The following PRH1 variants were observed in gnomAD, a reference collection of about 807,000 sequenced individuals.
PRH1 encodes the protein salivary acidic proline-rich phosphoprotein 1/2.
A neutral mutation model predicts 7.9 loss-of-function variants in PRH1; 7 were observed. That is an observed-to-expected ratio of 0.89 (90% CI 0.50 to 1.67). PRH1 has a LOEUF of 1.67. PRH1 is among the 40% of genes most tolerant of loss of function. PRH1 has a pLI of 0.00. For missense variants in PRH1, 109 were observed against 223.6 expected (o/e 0.49, Z 3.27); for synonymous variants, 45 against 80.8 (o/e 0.56, Z 2.38).
chr12:10,897,592 G>A lies in PRH1; in HGVS notation c.-58-13317C>T, dbSNP rs544025408. 5.9e-5 allele frequency among the ~76,000 whole-genome samples: 9 copies of A among 152,338 alleles called. No homozygotes were observed. In the South Asian group the frequency reaches 1.9e-3, roughly 32 times the overall value. The stretch of plus-strand genomic sequence containing the variant: ...TAATTGGCTCATGGCTTCACAGGCT[G>A]TACAGGAAGCATGGCGGCATCTGTT... On this transcript the variant is annotated intron_variant, in intron 2 of 3. Coordinates refer to the PRH1 transcript ENST00000539853.
At chr12:11,167,251 C>A (rs1210585754) in intron 1 of PRH1, among the ~76,000 whole-genome samples, 1 of 152,122 alleles carries the variant, frequency 6.6e-6, no homozygotes, top group Non-Finnish European at 1.5e-5. Context: ...AGGGGAAAAG[C>A]TGGCAATTAC....
At chr12:10,986,589 G>A (rs1939643305) in intron 1 of PRH1, 2 of 1,614,024 alleles carry the variant, frequency 1.2e-6, no homozygotes, top group Non-Finnish European at 1.7e-6. Flanking sequence ...GAAATGGTTG[G>A]TTACAACCCA....
intron 1 of PRH1, among the ~76,000 whole-genome samples, chr12:11,016,490 TTTG>T (rs1010761920): frequency 7.9e-5 from 12 of 152,252 alleles, no homozygotes; most frequent in African/African-American, 2.6e-4. Context: ...AAACTAATTT[TTTG>T]TTGTTGTTTT....
chr12:10,981,467 G>A (rs1000483055), intron 1 of PRH1, among the ~76,000 whole-genome samples: 4 of 147,330 alleles, frequency 2.7e-5, no homozygotes, highest in African/African-American at 7.6e-5. Flanking sequence ...TCTGCCTCCC[G>A]GGTTCAAGTG....
chr12:11,088,195 G>C (rs1301526671), intron 1 of PRH1, among the ~76,000 whole-genome samples: 1 of 129,478 alleles, frequency 7.7e-6, no homozygotes, highest in Non-Finnish European at 1.7e-5. Flanking sequence ...ACAAAAATTA[G>C]CCAGGCGTGA....
chr12:11,009,654 T>C (rs1940982168), intron 1 of PRH1, among the ~76,000 whole-genome samples: 1 of 151,926 alleles, frequency 6.6e-6, no homozygotes, highest in Non-Finnish European at 1.5e-5. Flanking sequence ...AATAAAAGCT[T>C]GGTCTAGCCA....
At chr12:10,967,334 A>G (rs938778840) in intron 2 of PRH1, among the ~76,000 whole-genome samples, 4 of 152,184 alleles carry the variant, frequency 2.6e-5, no homozygotes, top group African/African-American at 7.2e-5. Flanking sequence ...CTAATAAATA[A>G]TTTTCAAATA....
intron 2 of PRH1, chr12:10,929,182 C>G: frequency 1.3e-6 from 2 of 1,575,864 alleles, no homozygotes; most frequent in South Asian, 2.3e-5. Context: ...GTAGGGAGCT[C>G]AAATGCGCCA....
At chr12:10,897,411 T>C (rs949979087) in intron 2 of PRH1, among the ~76,000 whole-genome samples, 1 of 152,154 alleles carries the variant, frequency 6.6e-6, no homozygotes, top group African/African-American at 2.4e-5. Flanking sequence ...CAGTTGTTCA[T>C]AACTTTCTGG....
intron 1 of PRH1, among the ~76,000 whole-genome samples, chr12:10,992,536 G>T (rs1939987496): frequency 6.6e-6 from 1 of 152,098 alleles, no homozygotes; most frequent in Admixed American, 6.5e-5. Flanking sequence ...CCCCCTGCCA[G>T]AACTTCCTGG....
At chr12:11,101,187 T>G (rs1334459507) in intron 1 of PRH1, among the ~76,000 whole-genome samples, 1 of 152,162 alleles carries the variant, frequency 6.6e-6, no homozygotes, top group African/African-American at 2.4e-5. Context: ...TTTGTGTGAA[T>G]TAATTTAAGT....
chr12:11,021,161 C>T (rs1941603882), intron 1 of PRH1, among the ~76,000 whole-genome samples: 1 of 105,684 alleles, frequency 9.5e-6, no homozygotes, highest in Non-Finnish European at 2.2e-5. Context: ...TTGCTTTCTA[C>T]TAAGCATAAA....
At chr12:10,894,141 C>T (rs1339409653) in intron 2 of PRH1, among the ~76,000 whole-genome samples, 1 of 152,122 alleles carries the variant, frequency 6.6e-6, no homozygotes, top group Admixed American at 6.5e-5. Context: ...GGTAACTCTA[C>T]ACTAGATGCC....
intron 1 of PRH1, among the ~76,000 whole-genome samples, chr12:11,084,220 GCACCCTT>G (rs1451157473): frequency 0.4 from 27,881 of 69,694 alleles, 7,054 homozygotes; most frequent in Non-Finnish European, 0.53. Context: ...GCACCCTTCT[GCACCCTT>G]CTGCCAAAGT....
intron 2 of PRH1, among the ~76,000 whole-genome samples, chr12:10,897,106 C>A (rs745589055): frequency 5.3e-5 from 8 of 152,094 alleles, no homozygotes; most frequent in Non-Finnish European, 1.2e-4. Flanking sequence ...CGTCCTTTTA[C>A]CCCAGGTACT....
chr12:11,022,308 C>G, intron 1 of PRH1: 1 of 1,614,092 alleles, frequency 6.2e-7, no homozygotes, highest in Non-Finnish European at 8.5e-7. Flanking sequence ...TCGTTACAGC[C>G]CAGGCATTAG....
chr12:11,085,671 C>T lies in PRH1; in HGVS notation n.124-38483G>A, dbSNP rs2136242842. Among the ~76,000 whole-genome samples the T allele has an allele frequency of 1.7e-5, 2 of 116,150 alleles. 1 individual carries two copies. Among genetic ancestry groups the T allele is most frequent in the Non-Finnish European group, 4.1e-5 (2 of 49,030 alleles). 76.2% of individuals were successfully genotyped at this position (116,150 alleles called of 152,430 possible). ...ATTTCCAAAACAGCTGAAACTGACT[C>T]ATATTCAAATACTATGTCCTTGTTA... is the stretch of plus-strand genomic sequence containing the variant. On this transcript the variant is annotated intron_variant and non_coding_transcript_variant, in intron 1 of 4. Transcript: ENST00000541977.
intron 2 of PRH1, among the ~76,000 whole-genome samples, chr12:10,953,237 C>A (rs958928105): frequency 2.0e-5 from 3 of 151,972 alleles, no homozygotes; most frequent in Non-Finnish European, 4.4e-5. Context: ...ATCTTCTTAC[C>A]TCCAAATGAC....
chr12:11,170,063 T>C (rs1381839582), intron 1 of PRH1, among the ~76,000 whole-genome samples: 1 of 152,160 alleles, frequency 6.6e-6, no homozygotes, highest in Non-Finnish European at 1.5e-5. Context: ...GACTGTAACC[T>C]TAAGGTCATG....
Sources: gnomAD v4.1 joint callset for allele counts (sites outside exome capture counted in the v4.1 genomes callset) on GRCh38, gnomAD v4.1.1 for gene constraint, MANE v1.5 for transcripts, NCBI Gene and HGNC (gene_info 2026-07-23, HGNC 2026-07-21) for gene names.